Variants in SPATS2L observed in about 807,000 individuals in gnomAD.
SPATS2L encodes the protein SPATS2-like protein.
Under a neutral mutation model 59.6 loss-of-function variants are expected in SPATS2L, and 30 were observed. The observed-to-expected ratio is 0.50, with a 90% CI of 0.38 to 0.68. The LOEUF (loss-of-function observed/expected upper bound fraction) is 0.68. Among genes scored for constraint, SPATS2L ranks in the 30% least tolerant of loss-of-function variants. The pLI is 0.00. For synonymous variants in SPATS2L, 252 were observed against 263.5 expected (o/e 0.96, Z 0.42); for missense variants, 615 against 700.0 (o/e 0.88, Z 1.37).
chr2:200,409,223 A>G (rs377585688), intron 3 of SPATS2L, among the ~76,000 whole-genome samples: 4 of 152,254 alleles, frequency 2.6e-5, no homozygotes, highest in Admixed American at 2.0e-4. Flanking sequence ...TTAGTCACGC[A>G]TTGATTGATC....
chr2:200,407,687 T>A (rs1040665757), intron 3 of SPATS2L, among the ~76,000 whole-genome samples: 2 of 152,156 alleles, frequency 1.3e-5, no homozygotes, highest in Admixed American at 1.3e-4. Flanking sequence ...AATGTAAAAA[T>A]CTCATAAATA....
At chr2:200,389,402 G>A in intron 3 of SPATS2L, 119 bp downstream of exon 3, 1 of 664,200 alleles carries the variant, frequency 1.5e-6, no homozygotes, top group South Asian at 2.0e-5. Context: ...TACGTAGTAA[G>A]TTTGCCACAA....
rs114857137 is a variant in SPATS2L, at chr2:200,376,319, T to C, written c.-22-12904T>C. Among the ~76,000 whole-genome samples the C allele has an allele frequency of 2.4e-3, 367 of 152,336 alleles. 3 individuals carry two copies. The highest frequency in any genetic ancestry group is 8.3e-3 in the African/African-American group (346 of 41,584). On this transcript the variant is annotated intron_variant, in intron 2 of 12. Coordinates refer to ENST00000409140, the MANE Select transcript of SPATS2L (RefSeq NM_001100423.2). ...GCTGGAAATGGAAAGTTCACTAAGA[T>C]AGTAAATATGACCCCCTAGAATCCT... is the stretch of plus-strand genomic sequence containing the variant.
chr2:200,444,016 A>G (rs1433195286), intron 8 of SPATS2L, among the ~76,000 whole-genome samples: 1 of 152,238 alleles, frequency 6.6e-6, no homozygotes, highest in African/African-American at 2.4e-5. Context: ...CCCAGAAAGA[A>G]TTAGGGATTT....
intron 10 of SPATS2L, among the ~76,000 whole-genome samples, chr2:200,468,986 G>C (rs1488442537): frequency 2.6e-5 from 4 of 152,228 alleles, no homozygotes; most frequent in African/African-American, 9.6e-5. Context: ...AAACAGTCCA[G>C]CTGCAAAATT....
chr2:200,337,487 A>G (rs1310804710), intron 2 of SPATS2L, among the ~76,000 whole-genome samples: 4 of 152,124 alleles, frequency 2.6e-5, no homozygotes, highest in African/African-American at 7.2e-5. Context: ...TATAGGCCTA[A>G]TTGCATTCCT....
intron 2 of SPATS2L, among the ~76,000 whole-genome samples, chr2:200,369,162 A>G (rs1444954302): frequency 6.6e-6 from 1 of 151,208 alleles, no homozygotes; most frequent in Non-Finnish European, 1.5e-5. Flanking sequence ...TATTTTATTT[A>G]TTTATTTATT....
chr2:200,308,723 CG>C (rs1445205826), intron 1 of SPATS2L, among the ~76,000 whole-genome samples: 1 of 152,124 alleles, frequency 6.6e-6, no homozygotes, highest in Non-Finnish European at 1.5e-5. Flanking sequence ...TAGCTAAAGA[CG>C]TTAGTAAAAA....
At chr2:200,332,086 T>G (rs1288460565) in intron 2 of SPATS2L, among the ~76,000 whole-genome samples, 2 of 152,178 alleles carry the variant, frequency 1.3e-5, no homozygotes, top group Non-Finnish European at 2.9e-5. Flanking sequence ...TTTGTTCTCT[T>G]GGTATGCACA....
chr2:200,446,603 G>A (rs1015659905), intron 8 of SPATS2L, among the ~76,000 whole-genome samples: 1 of 152,182 alleles, frequency 6.6e-6, no homozygotes, highest in Non-Finnish European at 1.5e-5. Flanking sequence ...GGCCCAAAAT[G>A]TCTGTAGTGC....
At chr2:200,472,082 GCCTGAGC>G (rs573254575) in intron 11 of SPATS2L, among the ~76,000 whole-genome samples, 6 of 152,148 alleles carry the variant, frequency 3.9e-5, no homozygotes, top group East Asian at 1.9e-4. Flanking sequence ...GAGCAGACCT[GCCTGAGC>G]CCTGAGCCCT....
At chr2:200,367,066 T>C (rs1275987346) in intron 2 of SPATS2L, among the ~76,000 whole-genome samples, 1 of 152,210 alleles carries the variant, frequency 6.6e-6, no homozygotes, top group Non-Finnish European at 1.5e-5. Context: ...TGCAAAGTCG[T>C]AATATTATTG....
intron 2 of SPATS2L, among the ~76,000 whole-genome samples, chr2:200,352,313 TTATATA>T (rs869105613): frequency 1.2e-4 from 1 of 8,650 alleles, no homozygotes; most frequent in African/African-American, 1.6e-4. Context: ...CCAGCAGTTT[TTATATA>T]TATATATATA....
In SPATS2L at chr2:200,472,956, T is replaced by C; in HGVS notation, c.1185T>C (p.Asn395=). The change falls in exon 12 of 13, where the codon AAT becomes AAC. Residue 395 remains asparagine (N), a synonymous_variant. Transcript: ENST00000409140. ...TTTCCCGAAAATCATCCACTCACAA[T>C]AAGCCCTCTGAAGGCAAAGCGGCAA... ...SNFSRKSSTH[N]KPSEGKAANP... is the part of the protein sequence containing the mutation. The C allele has an allele frequency of 6.2e-7, 1 of 1,613,536 alleles. No homozygotes were observed. The highest frequency in any genetic ancestry group is 8.5e-7 in the Non-Finnish European group (1 of 1,179,840).
intron 8 of SPATS2L, 61 bp downstream of exon 8, chr2:200,440,845 A>T (rs1171562897): frequency 1.9e-6 from 3 of 1,556,416 alleles, no homozygotes; most frequent in African/African-American, 1.4e-5. Context: ...AACAGGTAAA[A>T]GTATCAGATG....
intron 9 of SPATS2L, among the ~76,000 whole-genome samples, chr2:200,463,682 A>G (rs7557393): frequency 0.98 from 149,686 of 152,340 alleles, 73,576 homozygotes; most frequent in East Asian, 1. Context: ...TTATACCCAC[A>G]TAAGCACAGG....
At position 200,382,420 on chromosome 2, in the gene SPATS2L, G is replaced by A. The variant is rs78282488; in HGVS notation, c.-22-6803G>A. Among the ~76,000 whole-genome samples the A allele has an allele frequency of 6.4e-3, 977 of 152,286 alleles. 9 individuals are homozygous for A. The highest frequency in any genetic ancestry group is 0.019 in the African/African-American group (775 of 41,556). On this transcript the variant is annotated intron_variant, in intron 2 of 12. Transcript: ENST00000409140. ...AACAAGTTCATTTATGCCCATTCCTGTGTGAGTGGAGTGGTTTCGCACTGC... is the reference window on the plus strand; with the variant it reads ...AACAAGTTCATTTATGCCCATTCCTATGTGAGTGGAGTGGTTTCGCACTGC...
intron 1 of SPATS2L, among the ~76,000 whole-genome samples, chr2:200,313,294 C>T (rs1158402497): frequency 6.6e-6 from 1 of 152,214 alleles, no homozygotes; most frequent in African/African-American, 2.4e-5. Context: ...GACCACAGAT[C>T]TGGAGCTCTA....
At chr2:200,356,827 G>A (rs1378332434) in intron 2 of SPATS2L, among the ~76,000 whole-genome samples, 1 of 152,180 alleles carries the variant, frequency 6.6e-6, no homozygotes, top group East Asian at 1.9e-4. Context: ...GGTGAAGGGA[G>A]GGCCTTTGTG....
Sources: allele counts gnomAD v4.1 joint callset (sites outside exome capture counted in the v4.1 genomes callset), GRCh38; gene constraint gnomAD v4.1.1; transcripts MANE v1.5; gene names NCBI Gene and HGNC (gene_info 2026-07-23, HGNC 2026-07-21).